The following MTHFD1 variants were observed in gnomAD, a reference collection of about 807,000 sequenced individuals.
The protein encoded by MTHFD1 is methylenetetrahydrofolate dehydrogenase, cyclohydrolase and formyltetrahydrofolate synthetase 1, also known as C-1-tetrahydrofolate synthase, cytoplasmic.
A neutral mutation model predicts 110.3 loss-of-function variants in MTHFD1; 44 were observed. The ratio of observed to expected loss-of-function variants is 0.40; its 90% confidence interval spans 0.31 to 0.51. The LOEUF (loss-of-function observed/expected upper bound fraction) is 0.51, where lower values mean the gene tolerates loss of function less well. MTHFD1 is among the 20% of genes least tolerant of loss of function. MTHFD1 has a pLI of 0.60. For missense variants in MTHFD1, 909 were observed against 1,173.1 expected (o/e 0.77, Z 3.29); for synonymous variants, 402 against 428.8 (o/e 0.94, Z 0.77).
chr14:64,411,793 C>G lies in MTHFD1; in HGVS notation c.186+644C>G, dbSNP rs542104700. Among the ~76,000 whole-genome samples the G allele has an allele frequency of 6.5e-3, 993 of 152,034 alleles. 6 individuals are homozygous for G. The highest frequency in any genetic ancestry group is 0.022 in the African/African-American group (914 of 41,484). Reference sequence around the variant, plus strand: ...GCGCATGCCTGTAATCCCAGCTACTCGGGAGGCTGAGGCAGGAGAATCGCT... The same window carrying G: ...GCGCATGCCTGTAATCCCAGCTACTGGGGAGGCTGAGGCAGGAGAATCGCT... On this transcript the variant is annotated intron_variant, in intron 3 of 27. Coordinates refer to ENST00000652337, the MANE Select transcript of MTHFD1 (RefSeq NM_005956.4).
At chr14:64,458,101 G>C in intron 26 of MTHFD1, 113 bp from the exon 27 acceptor site, 3 of 829,276 alleles carry the variant, frequency 3.6e-6, no homozygotes, top group Non-Finnish European at 6.4e-6. Context: ...ATGTTGCCCA[G>C]GGTGGTTTAG....
intron 2 of MTHFD1, among the ~76,000 whole-genome samples, chr14:64,409,680 G>A (rs1033540597): frequency 2.0e-5 from 3 of 151,944 alleles, no homozygotes; most frequent in African/African-American, 7.3e-5. Context: ...AGCATCTAAT[G>A]TACTTAGATA....
chr14:64,459,895 C>G lies in MTHFD1; in HGVS notation c.*141C>G, dbSNP rs1385520831. The G allele has an allele frequency of 9.8e-6, 15 of 1,535,860 alleles. No individual in the cohort carries two copies. In the East Asian group the frequency reaches 3.7e-4, roughly 38 times the overall value. On this transcript the variant is annotated 3_prime_UTR_variant, in exon 28 of 28. Transcript: ENST00000652337. ...GATCTGAAACTAATAGTAGGAGTTT[C>G]CCCAGAAGTCATTTTCAGCCTTAAT...
intron 8 of MTHFD1, among the ~76,000 whole-genome samples, chr14:64,420,661 C>A (rs926594828): frequency 6.6e-6 from 1 of 152,198 alleles, no homozygotes; most frequent in South Asian, 2.1e-4. Flanking sequence ...CTGCTTCCCA[C>A]TCAGATCTAT....
At chr14:64,449,667 G>T (rs779865519) in intron 24 of MTHFD1, 45 bp downstream of exon 24, 3 of 1,600,952 alleles carry the variant, frequency 1.9e-6, no homozygotes, top group Admixed American at 1.7e-5. Flanking sequence ...GACGAAAAGG[G>T]CACAGTGAAG....
chr14:64,435,723 A>T lies in MTHFD1; in HGVS notation c.1597+52A>T, dbSNP rs189651359. 1,518 of 1,036,230 alleles carry T rather than the reference A, an allele frequency of 1.5e-3. 1 individual carries two copies. The highest frequency in any genetic ancestry group is 2.0e-3 in the Non-Finnish European group (1,279 of 653,266). The allele number at this position is 1,036,230 out of a possible 1,614,324, so 64.2% of individuals were successfully genotyped here. Reference sequence around the variant, plus strand: ...TTGTTTTGGCTATATTGCACACCCTACACCCTCCAGAAGAGTTGTTAAAAT... The same window carrying T: ...TTGTTTTGGCTATATTGCACACCCTTCACCCTCCAGAAGAGTTGTTAAAAT... On this transcript the variant is annotated intron_variant, in intron 16 of 27. Coordinates refer to ENST00000652337, the MANE Select transcript of MTHFD1 (RefSeq NM_005956.4).
Position 64,406,037 on chromosome 14 carries a change from T to A in MTHFD1, c.127-5053T>A, listed in dbSNP as rs56926342. ...TATATATATATATAATAATAATTAT[T>A]ATTATTATTATTTTTTTTGAGACTG... On this transcript the variant is annotated intron_variant, in intron 2 of 27. Transcript: ENST00000652337. 6.4e-3 allele frequency among the ~76,000 whole-genome samples: 885 copies of A among 138,298 alleles called. 9 individuals carry two copies. The highest frequency in any genetic ancestry group is 0.02 in the African/African-American group (770 of 37,684). The allele number at this position is 138,298 out of a possible 152,430, so 90.7% of individuals were successfully genotyped here.
Position 64,402,899 on chromosome 14 carries a change from G to A in MTHFD1, c.126+2022G>A, listed in dbSNP as rs141985561. On this transcript the variant is annotated intron_variant, in intron 2 of 27. Coordinates refer to ENST00000652337, the MANE Select transcript of MTHFD1 (RefSeq NM_005956.4). ...TGTATATAGCAGAAGTGCATTATGAGTGCTTCCCAATTCCTTACATAGACT... is the reference window on the plus strand; with the variant it reads ...TGTATATAGCAGAAGTGCATTATGAATGCTTCCCAATTCCTTACATAGACT... 1.3e-3 allele frequency among the ~76,000 whole-genome samples: 194 copies of A among 152,244 alleles called. 1 individual carries two copies. Among genetic ancestry groups the A allele is most frequent in the African/African-American group, 4.5e-3 (185 of 41,530 alleles).
At chr14:64,422,242 A>G (rs986266724) in intron 8 of MTHFD1, among the ~76,000 whole-genome samples, 1 of 152,164 alleles carries the variant, frequency 6.6e-6, no homozygotes, top group Non-Finnish European at 1.5e-5. Context: ...GGATGGCAGA[A>G]TCACTCAGTT....
intron 1 of MTHFD1, among the ~76,000 whole-genome samples, chr14:64,393,500 G>A (rs528348647): frequency 6.6e-6 from 1 of 152,342 alleles, no homozygotes; most frequent in East Asian, 1.9e-4. Context: ...TAGCTGGATT[G>A]ATTCTGGAAG....
rs201047009 is a variant in MTHFD1 at position 64,431,800 on chromosome 14, G to A, written c.1433G>A (p.Arg478His). Reference protein sequence around the residue: ...LTQTDKALFNRLVPSVNGVRR... With the variant: ...LTQTDKALFNHLVPSVNGVRR... ...CTTTTCTTTAAGGCTCTCTTTAATC[G>A]TTTGGTGCCATCAGTAAATGGAGTG... The change falls in exon 15 of 28, where the codon CGT becomes CAT. Residue 478 changes from arginine to histidine, a missense_variant. This residue lies in a region of MTHFD1 where 482 missense variants were observed against 646.0 expected (regional missense o/e 0.75). Transcript: ENST00000652337. The A allele has an allele frequency of 1.1e-5, 18 of 1,613,958 alleles. No individual in the cohort carries two copies. Among genetic ancestry groups the A allele is most frequent in the African/African-American group, 2.7e-5 (2 of 74,882 alleles).
chr14:64,430,069 AAAAT>A (rs1305435640), intron 12 of MTHFD1, 111 bp from the exon 13 acceptor site: 8 of 949,144 alleles, frequency 8.4e-6, no homozygotes, highest in Admixed American at 7.1e-5. Context: ...ATGATTCTAA[AAAAT>A]AAATAAATAA....
chr14:64,434,262 G>A (rs55730966), intron 15 of MTHFD1, among the ~76,000 whole-genome samples: 1,724 of 152,174 alleles, frequency 0.011, 25 homozygotes, highest in African/African-American at 0.039. Flanking sequence ...TTACACTTAC[G>A]TGTCTGTGAT....
intron 1 of MTHFD1, among the ~76,000 whole-genome samples, chr14:64,389,703 C>T (rs141775380): frequency 0.034 from 5,179 of 150,758 alleles, 142 homozygotes; most frequent in Non-Finnish European, 0.048. Context: ...AGCGAAACTC[C>T]GTCTAAGAAA....
At chr14:64,420,575 C>G (rs2078061048) in intron 8 of MTHFD1, among the ~76,000 whole-genome samples, 1 of 152,200 alleles carries the variant, frequency 6.6e-6, no homozygotes, top group Non-Finnish European at 1.5e-5. Flanking sequence ...CTCCTCTGTT[C>G]TGAGTGTCAC....
intron 22 of MTHFD1, chr14:64,444,998 CG>C: frequency 4.0e-6 from 2 of 503,392 alleles, no homozygotes; most frequent in Non-Finnish European, 7.3e-6. Flanking sequence ...ATTTTGACCC[CG>C]GGGACATTTG....
intron 26 of MTHFD1, among the ~76,000 whole-genome samples, chr14:64,456,259 CT>C (rs1215344020): frequency 2.0e-5 from 3 of 152,150 alleles, no homozygotes; most frequent in African/African-American, 7.2e-5. Context: ...AGGCTTTTAA[CT>C]TTAAGTTGGA....
At chr14:64,419,371 C>T (rs1220507315) in intron 7 of MTHFD1, 6 of 130,470 alleles carry the variant, frequency 4.6e-5, no homozygotes, top group African/African-American at 1.3e-4. Flanking sequence ...CCCAAGAATG[C>T]GCACACACAC....
At chr14:64,420,027 A>G in intron 8 of MTHFD1, 102 bp downstream of exon 8, 1 of 864,710 alleles carries the variant, frequency 1.2e-6, no homozygotes, top group East Asian at 2.6e-5. Context: ...TTATGCTTGT[A>G]GTACTAAGGT....
Sources: allele counts gnomAD v4.1 joint callset (sites outside exome capture counted in the v4.1 genomes callset), GRCh38; gene constraint gnomAD v4.1.1; regional missense constraint gnomAD v4.1.1; transcripts MANE v1.5; gene names NCBI Gene and HGNC (gene_info 2026-07-23, HGNC 2026-07-21).